The following NXPH1 variants were observed in gnomAD, a reference collection of about 807,000 sequenced individuals.
The protein encoded by NXPH1 is neurexophilin-1.
Under a neutral mutation model 23.7 loss-of-function variants are expected in NXPH1, and 5 were observed. The ratio of observed to expected loss-of-function variants is 0.21; its 90% confidence interval spans 0.11 to 0.44. The LOEUF is 0.44. Among genes scored for constraint, NXPH1 ranks in the 20% least tolerant of loss-of-function variants. The pLI is 0.99. For synonymous variants in NXPH1, 144 were observed against 122.2 expected (o/e 1.18, Z -1.18); for missense variants, 324 against 321.6 (o/e 1.01, Z -0.06).
At chr7:8,688,783 A>G (rs966861830) in intron 2 of NXPH1, among the ~76,000 whole-genome samples, 7 of 152,164 alleles carry the variant, frequency 4.6e-5, no homozygotes, top group Admixed American at 6.6e-5. Context: ...TTGCAGATAC[A>G]TTTTCATTGT....
intron 2 of NXPH1, among the ~76,000 whole-genome samples, chr7:8,750,658 C>T (rs1478000258): frequency 2.0e-5 from 3 of 152,108 alleles, no homozygotes; most frequent in South Asian, 2.1e-4. Flanking sequence ...TGCTGGGTGG[C>T]CTTTTCTTCC....
chr7:8,522,838 G>C (rs1817795410), intron 2 of NXPH1, among the ~76,000 whole-genome samples: 1 of 152,128 alleles, frequency 6.6e-6, no homozygotes, highest in African/African-American at 2.4e-5. Flanking sequence ...TATGATCTGA[G>C]TTCAAAGGCC....
At chr7:8,445,900 A>G (rs1816396072) in intron 2 of NXPH1, among the ~76,000 whole-genome samples, 1 of 152,248 alleles carries the variant, frequency 6.6e-6, no homozygotes, top group South Asian at 2.1e-4. Context: ...ATTTTGGTAA[A>G]GAGGAACTAC....
chr7:8,508,608 C>A (rs1456877246), intron 2 of NXPH1, among the ~76,000 whole-genome samples: 1 of 151,904 alleles, frequency 6.6e-6, no homozygotes, highest in Non-Finnish European at 1.5e-5. Flanking sequence ...AAATAAATTG[C>A]CCTTCATTTG....
chr7:8,587,496 A>T (rs1006228348), intron 2 of NXPH1, among the ~76,000 whole-genome samples: 1 of 152,046 alleles, frequency 6.6e-6, no homozygotes, highest in African/African-American at 2.4e-5. Flanking sequence ...TAATCTTTTT[A>T]AAATTATACT....
intron 2 of NXPH1, among the ~76,000 whole-genome samples, chr7:8,653,140 G>T (rs1820517583): frequency 6.6e-6 from 1 of 151,780 alleles, no homozygotes; most frequent in South Asian, 2.1e-4. Context: ...GGCTTTGATG[G>T]TACAGAAAAA....
rs113164625 is a variant in NXPH1 at position 8,444,222 on chromosome 7, T to C, written c.54+8455T>C. ...ATTAAAGGAGCAGAGATCTGGCATG[T>C]AGTGCTCCATTAACCCGTAGCATAA... is the stretch of plus-strand genomic sequence containing the variant. On this transcript the variant is annotated intron_variant, in intron 2 of 2. Coordinates refer to ENST00000405863, the MANE Select transcript of NXPH1 (RefSeq NM_152745.3). Among the ~76,000 whole-genome samples, 227 of 152,326 alleles carry C rather than the reference T, an allele frequency of 1.5e-3. 2 individuals carry two copies. Among genetic ancestry groups the C allele is most frequent in the African/African-American group, 5.3e-3 (219 of 41,562 alleles).
At chr7:8,713,843 C>T (rs1217976107) in intron 2 of NXPH1, among the ~76,000 whole-genome samples, 1 of 152,170 alleles carries the variant, frequency 6.6e-6, no homozygotes, top group Non-Finnish European at 1.5e-5. Context: ...TTCTGAGCTG[C>T]CTGGAGCTTG....
chr7:8,732,065 C>T (rs144139264), intron 2 of NXPH1, among the ~76,000 whole-genome samples: 16 of 152,346 alleles, frequency 1.1e-4, no homozygotes, highest in African/African-American at 2.6e-4. Context: ...TTAAGCCCGT[C>T]GGAAAAGCGC....
chr7:8,536,846 G>A (rs1818035409), intron 2 of NXPH1, among the ~76,000 whole-genome samples: 1 of 151,920 alleles, frequency 6.6e-6, no homozygotes, highest in Non-Finnish European at 1.5e-5. Flanking sequence ...TGGATACAGG[G>A]TGAGAAGGAA....
At chr7:8,516,207 C>T (rs1817684679) in intron 2 of NXPH1, among the ~76,000 whole-genome samples, 2 of 152,076 alleles carry the variant, frequency 1.3e-5, no homozygotes, top group African/African-American at 4.8e-5. Flanking sequence ...CCTCTTTAGC[C>T]ATTACTCATC....
chr7:8,459,033 A>T (rs1280400591), intron 2 of NXPH1, among the ~76,000 whole-genome samples: 1 of 152,044 alleles, frequency 6.6e-6, no homozygotes, highest in African/African-American at 2.4e-5. Flanking sequence ...TACATAAAGC[A>T]TTCCCCTTAC....
At position 8,710,876 on chromosome 7, in the gene NXPH1, AT is replaced by A. The variant is rs770391471; in HGVS notation, c.55-40131del. ...ACGGGGTTTCACCGTGTTAGCCAGG[AT>A]GGTCTCGATCTCCTGACCTCATGAT... On this transcript the variant is annotated intron_variant, in intron 2 of 2. Transcript: ENST00000405863. Among the ~76,000 whole-genome samples, 28 of 144,946 alleles carry A rather than the reference AT, an allele frequency of 1.9e-4. 2 individuals carry two copies. The highest frequency in any genetic ancestry group is 3.0e-4 in the Non-Finnish European group (20 of 67,342).
chr7:8,640,332 TCCA>T (rs1820286903), intron 2 of NXPH1, among the ~76,000 whole-genome samples: 1 of 151,962 alleles, frequency 6.6e-6, no homozygotes, highest in Non-Finnish European at 1.5e-5. Context: ...AATTAATAAT[TCCA>T]TTAATGTTTT....
At chr7:8,562,705 T>A (rs1325195343) in intron 2 of NXPH1, among the ~76,000 whole-genome samples, 2 of 151,714 alleles carry the variant, frequency 1.3e-5, no homozygotes, top group Non-Finnish European at 3.0e-5. Context: ...TGTCTTAACA[T>A]ATCCTAATGG....
At chr7:8,684,950 C>A (rs554521136) in intron 2 of NXPH1, among the ~76,000 whole-genome samples, 1 of 152,116 alleles carries the variant, frequency 6.6e-6, no homozygotes, top group Non-Finnish European at 1.5e-5. Context: ...GGCTCAAATT[C>A]GCCATGTTGC....
chr7:8,561,133 T>G (rs1818436840), intron 2 of NXPH1, among the ~76,000 whole-genome samples: 1 of 151,628 alleles, frequency 6.6e-6, no homozygotes, highest in Non-Finnish European at 1.5e-5. Flanking sequence ...CAGATGCACA[T>G]ACAGGGACTC....
At chr7:8,729,938 G>T (rs1780120998) in intron 2 of NXPH1, among the ~76,000 whole-genome samples, 1 of 143,226 alleles carries the variant, frequency 7.0e-6, no homozygotes, top group African/African-American at 2.5e-5. Flanking sequence ...TTGACAGTGG[G>T]GTGTTAAAGT....
At chr7:8,595,762 G>C (rs529843190) in intron 2 of NXPH1, among the ~76,000 whole-genome samples, 4 of 151,886 alleles carry the variant, frequency 2.6e-5, no homozygotes, top group African/African-American at 4.8e-5. Flanking sequence ...TCTGGGGAGG[G>C]ATGGTTTTCT....
Sources: allele counts gnomAD v4.1 joint callset (sites outside exome capture counted in the v4.1 genomes callset), GRCh38; gene constraint gnomAD v4.1.1; transcripts MANE v1.5; gene names NCBI Gene and HGNC (gene_info 2026-07-23, HGNC 2026-07-21).